Variants in MYO1E observed in about 807,000 individuals in gnomAD.
MYO1E encodes myosin IE.
Under a neutral mutation model 151.1 loss-of-function variants are expected in MYO1E, and 68 were observed. The ratio of observed to expected loss-of-function variants is 0.45; its 90% CI spans 0.37 to 0.55. MYO1E has a LOEUF of 0.55. Ranked by LOEUF, MYO1E falls within the 20% of genes least tolerant of loss-of-function variation. MYO1E has a pLI of 0.00. For missense variants in MYO1E, 1,363 were observed against 1,389.3 expected, an observed-to-expected ratio of 0.98 and a Z score of 0.30; for synonymous variants, 601 against 501.7, an observed-to-expected ratio of 1.20 and a Z score of -2.64.
At chr15:59,298,271 T>C (rs528276554) in intron 1 of MYO1E, among the ~76,000 whole-genome samples, 47 of 152,304 alleles carry the variant, frequency 3.1e-4, no homozygotes, top group African/African-American at 1.1e-3. Context: ...ACTCCGAAAC[T>C]GAGTTTTTCA....
chr15:59,361,888 G>C (rs182292864), intron 1 of MYO1E, among the ~76,000 whole-genome samples: 2 of 151,998 alleles, frequency 1.3e-5, no homozygotes, highest in East Asian at 1.9e-4. Context: ...CCAGGCTGGA[G>C]TACAGTGGAA....
chr15:59,205,832 A>C (rs1320412847), intron 14 of MYO1E, among the ~76,000 whole-genome samples: 1 of 152,204 alleles, frequency 6.6e-6, no homozygotes, highest in East Asian at 1.9e-4. Context: ...TCTAAGTGAC[A>C]TACTCAATAC....
chr15:59,266,163 C>T (rs1438553283), intron 2 of MYO1E, among the ~76,000 whole-genome samples: 1 of 152,106 alleles, frequency 6.6e-6, no homozygotes, highest in Non-Finnish European at 1.5e-5. Context: ...TTCCGGACAC[C>T]TGTGCTCTCC....
intron 1 of MYO1E, among the ~76,000 whole-genome samples, chr15:59,276,286 C>A (rs536439819): frequency 1.3e-5 from 2 of 152,070 alleles, no homozygotes; most frequent in Non-Finnish European, 2.9e-5. Flanking sequence ...GACTCTCAGG[C>A]GAGCTTCATT....
intron 1 of MYO1E, among the ~76,000 whole-genome samples, chr15:59,329,326 T>C (rs1298539874): frequency 6.6e-6 from 1 of 152,028 alleles, no homozygotes; most frequent in Admixed American, 6.6e-5. Context: ...AGAGTCAGAG[T>C]GGTTAAAGGA....
At position 59,223,224 on chromosome 15, in the gene MYO1E, C is replaced by G. The variant is rs370796901; in HGVS notation, c.778-33G>C. ...AGAAAAGAGAAACTATCCAGAGAAGCTGGTCACCAGCTTTAAAAGCACCTT... is the reference window on the plus strand; with the variant it reads ...AGAAAAGAGAAACTATCCAGAGAAGGTGGTCACCAGCTTTAAAAGCACCTT... On this transcript the variant is annotated intron_variant, in intron 8 of 27. Transcript: ENST00000288235. The G allele has an allele frequency of 9.3e-6, 15 of 1,613,132 alleles. No individual in the cohort carries two copies. In the African/African-American group the frequency reaches 1.9e-4, roughly 20 times the overall value.
chr15:59,269,797 G>A (rs1158067337), intron 2 of MYO1E, among the ~76,000 whole-genome samples: 1 of 151,882 alleles, frequency 6.6e-6, no homozygotes, highest in Non-Finnish European at 1.5e-5. Context: ...AGGTTGCAGT[G>A]AGCCAAGATT....
chr15:59,292,229 G>T (rs2080423902), intron 1 of MYO1E, among the ~76,000 whole-genome samples: 1 of 152,166 alleles, frequency 6.6e-6, no homozygotes, highest in Non-Finnish European at 1.5e-5. Context: ...AGTTTTACAG[G>T]ATTTCAAGGC....
chr15:59,341,089 T>G (rs1173590686), intron 1 of MYO1E, among the ~76,000 whole-genome samples: 1 of 152,096 alleles, frequency 6.6e-6, no homozygotes, highest in Admixed American at 6.5e-5. Context: ...ATTTTAATTT[T>G]TAATTTTTGG....
chr15:59,218,109 A>G, intron 9 of MYO1E, 22 bp from the exon 10 acceptor site: 2 of 1,612,430 alleles, frequency 1.2e-6, no homozygotes, highest in Non-Finnish European at 1.7e-6. Context: ...AAAACAAAAC[A>G]TGACAATCTT....
chr15:59,276,194 A>C (rs2080317815), intron 1 of MYO1E, among the ~76,000 whole-genome samples: 1 of 152,190 alleles, frequency 6.6e-6, no homozygotes, highest in African/African-American at 2.4e-5. Flanking sequence ...GGAGAGGGGC[A>C]GCAGAGATGG....
At chr15:59,231,590 G>T in intron 6 of MYO1E, 112 bp downstream of exon 6, 1 of 1,113,200 alleles carries the variant, frequency 9.0e-7, no homozygotes, top group Non-Finnish European at 1.4e-6. Flanking sequence ...CGAAGAGGTG[G>T]CCTCCTGATG....
intron 1 of MYO1E, among the ~76,000 whole-genome samples, chr15:59,353,875 C>G (rs2080839072): frequency 6.6e-6 from 1 of 152,196 alleles, no homozygotes; most frequent in African/African-American, 2.4e-5. Flanking sequence ...TATCACCATT[C>G]CCTTGTACAC....
At chr15:59,168,494 G>A (rs902132354) in intron 22 of MYO1E, among the ~76,000 whole-genome samples, 27 of 151,994 alleles carry the variant, frequency 1.8e-4, no homozygotes, top group Non-Finnish European at 5.9e-5. Context: ...GCAGTGAGCC[G>A]AGATTGCGCC....
In MYO1E at chr15:59,135,269, T is replaced by A. The variant is rs1211603901; in HGVS notation, c.*2111A>T. On this transcript the variant is annotated 3_prime_UTR_variant, in exon 28 of 28. Transcript: ENST00000288235. ...TGTTTTGTGACCTAGAGCCCGATGG[T>A]TCCCAGTTACACACAAGTGTAAAAT... 6.6e-6 allele frequency: 1 copy of A among 152,198 alleles called. No homozygotes were observed. The highest frequency in any genetic ancestry group is 6.5e-5 in the Admixed American group (1 of 15,286). 9.4% of individuals were successfully genotyped at this position (152,198 alleles called of 1,614,324 possible).
Position 59,243,371 on chromosome 15 carries a change from C to T in MYO1E, c.333-6699G>A, listed in dbSNP as rs115923230. 7.5e-3 allele frequency among the ~76,000 whole-genome samples: 1,149 copies of T among 152,240 alleles called. 16 individuals carry two copies. Among genetic ancestry groups the T allele is most frequent in the African/African-American group, 0.027 (1,106 of 41,532 alleles). ...GGTACGATGTGTTCATTGTGTGTAT[C>T]ATGCATGTCAGAGACTGTTATAAGT... On this transcript the variant is annotated intron_variant, in intron 4 of 27. Transcript: ENST00000288235.
In MYO1E at chr15:59,219,624, A is replaced by G. The variant is rs2079941340; in HGVS notation, c.911-1537T>C. ...ATGAGTGTTTCACAAAAATGCTTTG[A>G]GCAATAGAAGGGCTTCCTTTTAGAA... is the stretch of plus-strand genomic sequence containing the variant. On this transcript the variant is annotated intron_variant, in intron 9 of 27. Coordinates refer to ENST00000288235, the MANE Select transcript of MYO1E (RefSeq NM_004998.4). Among the ~76,000 whole-genome samples the G allele has an allele frequency of 2.6e-5, 4 of 152,252 alleles. No homozygotes were observed. In the South Asian group the frequency reaches 8.3e-4, roughly 31 times the overall value.
At chr15:59,277,103 G>A (rs11071419) in intron 1 of MYO1E, among the ~76,000 whole-genome samples, 73,460 of 152,008 alleles carry the variant, frequency 0.48, 20,412 homozygotes, top group Non-Finnish European at 0.62. Flanking sequence ...CCCCCACCCC[G>A]TACAGGGCAG....
chr15:59,273,620 G>A (rs778273512), intron 1 of MYO1E, among the ~76,000 whole-genome samples: 7 of 84,514 alleles, frequency 8.3e-5, no homozygotes, highest in South Asian at 3.0e-4. Context: ...AGAATTTGCC[G>A]GAGGAGACCA....
Sources: gnomAD v4.1 joint callset for allele counts (sites outside exome capture counted in the v4.1 genomes callset) on GRCh38, gnomAD v4.1.1 for gene constraint, MANE v1.5 for transcripts, NCBI Gene and HGNC (gene_info 2026-07-23, HGNC 2026-07-21) for gene names.